Variants in B3GALT1 observed in about 807,000 individuals in gnomAD.
B3GALT1 encodes the protein UDP-Gal:betaGlcNAc beta 1,3-galactosyltransferase, polypeptide 1.
Under a neutral mutation model 23.2 loss-of-function variants are expected in B3GALT1, and 10 were observed. That is an observed-to-expected ratio of 0.43 (90% CI 0.27 to 0.73). The LOEUF is 0.73. B3GALT1 is among the 30% of genes least tolerant of loss of function. The pLI is 0.21. For synonymous variants in B3GALT1, 156 were observed against 141.5 expected (o/e 1.10, Z -0.73); for missense variants, 299 against 405.4 (o/e 0.74, Z 2.25).
At chr2:167,333,905 G>C (rs552903360) in intron 1 of B3GALT1, among the ~76,000 whole-genome samples, 4 of 151,790 alleles carry the variant, frequency 2.6e-5, no homozygotes, top group Non-Finnish European at 5.9e-5. Flanking sequence ...TGGTGGCACC[G>C]AGAAACCTTC....
intron 1 of B3GALT1, among the ~76,000 whole-genome samples, chr2:167,444,940 C>A (rs114590760): frequency 6.6e-6 from 1 of 152,146 alleles, no homozygotes; most frequent in Non-Finnish European, 1.5e-5. Flanking sequence ...TTCTCTAGTT[C>A]TATTAATTGT....
rs1485665762 is a variant in B3GALT1 at position 167,331,095 on chromosome 2, T to TG, written c.-511+37761_-511+37762insG. On this transcript the variant is annotated intron_variant, in intron 1 of 4. Transcript: ENST00000392690. The stretch of plus-strand genomic sequence containing the variant: ...GTACAGTCTGGTGTTATGATTTTTT[T>TG]TGGGGGGGTATGTAAATAGCCTCAG... 1.7e-3 allele frequency among the ~76,000 whole-genome samples: 252 copies of TG among 152,066 alleles called. 1 individual carries two copies. Among genetic ancestry groups the TG allele is most frequent in the Non-Finnish European group, 2.7e-3 (183 of 67,986 alleles).
chr2:167,756,014 A>T (rs747637245), intron 3 of B3GALT1, among the ~76,000 whole-genome samples: 5 of 152,154 alleles, frequency 3.3e-5, no homozygotes, highest in Admixed American at 2.6e-4. Flanking sequence ...TTATTTTTAT[A>T]AAATGAATCT....
chr2:167,379,661 T>C (rs1697816698), intron 1 of B3GALT1, among the ~76,000 whole-genome samples: 1 of 152,162 alleles, frequency 6.6e-6, no homozygotes, highest in Non-Finnish European at 1.5e-5. Context: ...GATTGTTACC[T>C]CAGACAATGG....
intron 2 of B3GALT1, among the ~76,000 whole-genome samples, chr2:167,563,798 C>G (rs1266908535): frequency 7.9e-6 from 1 of 126,380 alleles, no homozygotes; most frequent in Non-Finnish European, 1.7e-5. Context: ...CCCACCTCCC[C>G]CCCGGAGGGA....
chr2:167,593,136 A>C (rs1458626927), intron 2 of B3GALT1, among the ~76,000 whole-genome samples: 5 of 152,252 alleles, frequency 3.3e-5, no homozygotes, highest in Non-Finnish European at 7.3e-5. Flanking sequence ...TAAACACTTA[A>C]GTACAAAGAT....
intron 2 of B3GALT1, among the ~76,000 whole-genome samples, chr2:167,633,104 A>T (rs1486143987): frequency 6.6e-6 from 1 of 151,942 alleles, no homozygotes; most frequent in Non-Finnish European, 1.5e-5. Flanking sequence ...CCAAGTTGGA[A>T]AACAGTGTTC....
At chr2:167,322,310 AT>A (rs1312705467) in intron 1 of B3GALT1, among the ~76,000 whole-genome samples, 7 of 151,850 alleles carry the variant, frequency 4.6e-5, no homozygotes, top group African/African-American at 1.7e-4. Context: ...GAAAAAAAAA[AT>A]AGACCAGTAT....
chr2:167,545,181 C>G (rs1290550856), intron 2 of B3GALT1, among the ~76,000 whole-genome samples: 1 of 151,598 alleles, frequency 6.6e-6, no homozygotes, highest in Non-Finnish European at 1.5e-5. Flanking sequence ...ACTACAGGTG[C>G]CCGCCACCAC....
At chr2:167,513,089 AAAG>A (rs1159147747) in intron 2 of B3GALT1, among the ~76,000 whole-genome samples, 12 of 149,304 alleles carry the variant, frequency 8.0e-5, no homozygotes, top group African/African-American at 2.0e-4. Context: ...AAAAAAAAAA[AAAG>A]TGGAATCACT....
At chr2:167,556,652 C>T (rs1683857881) in intron 2 of B3GALT1, among the ~76,000 whole-genome samples, 1 of 152,110 alleles carries the variant, frequency 6.6e-6, no homozygotes, top group African/African-American at 2.4e-5. Context: ...GTAATATTTA[C>T]CAAAGAGTTG....
At position 167,703,943 on chromosome 2, in the gene B3GALT1, A is replaced by T. The variant is rs1686924306; in HGVS notation, c.-352+56977A>T. 1.3e-5 allele frequency among the ~76,000 whole-genome samples: 2 copies of T among 152,066 alleles called. 1 individual carries two copies. Among genetic ancestry groups the T allele is most frequent in the South Asian group, 4.2e-4 (2 of 4,816 alleles). On this transcript the variant is annotated intron_variant, in intron 3 of 4. Coordinates refer to ENST00000392690, the MANE Select transcript of B3GALT1 (RefSeq NM_020981.4). ...ACACCTGTAATCCCAGCACTTTGGGAGGCCAAGGCGGGCGGATCACGAGGT... is the reference window on the plus strand; with the variant it reads ...ACACCTGTAATCCCAGCACTTTGGGTGGCCAAGGCGGGCGGATCACGAGGT...
chr2:167,837,255 C>T (rs1465228135), intron 4 of B3GALT1, among the ~76,000 whole-genome samples: 5 of 152,048 alleles, frequency 3.3e-5, no homozygotes, highest in Non-Finnish European at 7.4e-5. Flanking sequence ...GAGTCAAGAC[C>T]CATCAGTGTG....
intron 3 of B3GALT1, among the ~76,000 whole-genome samples, chr2:167,797,468 AT>A (rs1376375237): frequency 1.2e-4 from 19 of 152,288 alleles, no homozygotes; most frequent in African/African-American, 4.6e-4. Flanking sequence ...TAATAGAATG[AT>A]TTATATTCCT....
chr2:167,710,940 G>A (rs145874651), intron 3 of B3GALT1, among the ~76,000 whole-genome samples: 256 of 152,238 alleles, frequency 1.7e-3, no homozygotes, highest in African/African-American at 5.6e-3. Context: ...GATCAGATTA[G>A]TGGCCCTGTG....
intron 3 of B3GALT1, among the ~76,000 whole-genome samples, chr2:167,718,396 C>T (rs11680204): frequency 0.21 from 32,041 of 152,046 alleles, 3,979 homozygotes; most frequent in Non-Finnish European, 0.28. Context: ...TGTCATTCTG[C>T]ATATGACGAA....
chr2:167,669,905 T>A (rs895415207), intron 3 of B3GALT1, among the ~76,000 whole-genome samples: 6 of 151,950 alleles, frequency 3.9e-5, no homozygotes, highest in Non-Finnish European at 7.4e-5. Flanking sequence ...AAATAGTCTG[T>A]AGGCAGCTAG....
intron 2 of B3GALT1, among the ~76,000 whole-genome samples, chr2:167,620,206 T>C (rs960498132): frequency 6.6e-6 from 1 of 151,944 alleles, no homozygotes; most frequent in Non-Finnish European, 1.5e-5. Flanking sequence ...TGTACAAAAG[T>C]GTGTGAGAGA....
intron 2 of B3GALT1, among the ~76,000 whole-genome samples, chr2:167,645,666 C>G (rs1685737004): frequency 7.0e-6 from 1 of 143,638 alleles, no homozygotes; most frequent in Non-Finnish European, 1.5e-5. Context: ...CTCCCAGGTT[C>G]AAGCAATTCT....
Sources: allele counts gnomAD v4.1 joint callset (sites outside exome capture counted in the v4.1 genomes callset), GRCh38; gene constraint gnomAD v4.1.1; transcripts MANE v1.5; gene names NCBI Gene and HGNC (gene_info 2026-07-23, HGNC 2026-07-21).